SMAD9: variants seen among roughly 807,000 people sequenced by gnomAD.
SMAD9 encodes MAD homolog 9.
Under a neutral mutation model 46.1 loss-of-function variants are expected in SMAD9, and 36 were observed. The ratio of observed to expected loss-of-function variants is 0.78; its 90% CI spans 0.60 to 1.03. The LOEUF (loss-of-function observed/expected upper bound fraction) is 1.03, where lower values mean the gene tolerates loss of function less well. Among genes scored for constraint, SMAD9 ranks in the 50% least tolerant of loss-of-function variants. The pLI, the probability that SMAD9 is intolerant of heterozygous loss-of-function variation, is 0.00. For missense variants in SMAD9, 572 were observed against 599.8 expected (o/e 0.95, Z 0.48); for synonymous variants, 245 against 237.1 (o/e 1.03, Z -0.31).
chr13:36,866,531 T>C (rs924483038), intron 4 of SMAD9, among the ~76,000 whole-genome samples: 7 of 152,218 alleles, frequency 4.6e-5, no homozygotes, highest in African/African-American at 7.2e-5. Flanking sequence ...TCCTTGAACA[T>C]CCTTGTCATT....
chr13:36,872,846 C>T lies in SMAD9; in HGVS notation c.482G>A (p.Arg161His), dbSNP rs200651392. 31 of 1,613,986 alleles carry T rather than the reference C, an allele frequency of 1.9e-5. No individual in the cohort carries two copies. The East Asian group carries it at 3.1e-4, about 16-fold the overall frequency. ...NPQLSLLAKF[R>H]SASLHSEPLM... ...TGGCTCACTGTGCAGGGAGGCGCTG[C>T]GGAACTTGGCCAGGAGGCTGAGCTG... is the stretch of plus-strand genomic sequence containing the variant. Residue 161 changes from arginine to histidine, a missense_variant, in exon 3 of 7, where the codon CGC (arginine) becomes CAC (histidine). Transcript: ENST00000379826.
intron 1 of SMAD9, among the ~76,000 whole-genome samples, chr13:36,909,160 T>C (rs2058641171): frequency 6.6e-6 from 1 of 152,186 alleles, no homozygotes; most frequent in African/African-American, 2.4e-5. Flanking sequence ...CTAGATACAG[T>C]TTTTATTGTT....
chr13:36,863,771 A>C (rs775857652), intron 5 of SMAD9, among the ~76,000 whole-genome samples: 1 of 152,010 alleles, frequency 6.6e-6, no homozygotes, highest in African/African-American at 2.4e-5. Flanking sequence ...TTACACAGTG[A>C]TTTTCAGAAG....
At chr13:36,908,906 T>G (rs1030522005) in intron 1 of SMAD9, among the ~76,000 whole-genome samples, 1 of 152,168 alleles carries the variant, frequency 6.6e-6, no homozygotes, top group Non-Finnish European at 1.5e-5. Flanking sequence ...GTGGCCCAAA[T>G]GAAGACTCTT....
rs118076954 is a variant in SMAD9, at chr13:36,896,578, C to G, written c.-186-16703G>C. Among the ~76,000 whole-genome samples, 241 of 152,182 alleles carry G rather than the reference C, an allele frequency of 1.6e-3. 4 individuals are homozygous for G. The East Asian group carries it at 0.037, about 23-fold the overall frequency. Reference sequence around the variant, plus strand: ...CTACCATTCTCCTGTTAAAAAGCACCAGAATTCCCTGTAGCATGCTTGTAA... The same window carrying G: ...CTACCATTCTCCTGTTAAAAAGCACGAGAATTCCCTGTAGCATGCTTGTAA... On this transcript the variant is annotated intron_variant, in intron 1 of 6. Coordinates refer to ENST00000379826, the MANE Select transcript of SMAD9 (RefSeq NM_001127217.3).
At chr13:36,906,434 G>A (rs1275420068) in intron 1 of SMAD9, among the ~76,000 whole-genome samples, 2 of 152,046 alleles carry the variant, frequency 1.3e-5, no homozygotes, top group East Asian at 3.9e-4. Context: ...CATATTCTAT[G>A]CAAATCATAC....
At chr13:36,905,349 G>C (rs918994561) in intron 1 of SMAD9, among the ~76,000 whole-genome samples, 5 of 152,074 alleles carry the variant, frequency 3.3e-5, no homozygotes, top group African/African-American at 1.2e-4. Flanking sequence ...CTGTTCAAAA[G>C]GTCTTACACT....
chr13:36,918,144 A>G (rs74714310), intron 1 of SMAD9, among the ~76,000 whole-genome samples: 1,947 of 152,348 alleles, frequency 0.013, 29 homozygotes, highest in Middle Eastern at 0.075. Flanking sequence ...CTTACTAACT[A>G]GGAATATATA....
chr13:36,890,723 G>A (rs772740805), intron 1 of SMAD9, among the ~76,000 whole-genome samples: 12 of 152,028 alleles, frequency 7.9e-5, no homozygotes, highest in Non-Finnish European at 1.6e-4. Context: ...TCTGATGCCT[G>A]CTTGGGAACC....
intron 1 of SMAD9, among the ~76,000 whole-genome samples, chr13:36,914,889 T>C (rs1362585969): frequency 6.6e-6 from 1 of 152,220 alleles, no homozygotes; most frequent in Non-Finnish European, 1.5e-5. Context: ...AGCCCACAAG[T>C]ACGTAGGACA....
chr13:36,852,286 T>C, intron 6 of SMAD9: 1 of 984,158 alleles, frequency 1.0e-6, no homozygotes, highest in African/African-American at 1.7e-5. Flanking sequence ...AAAAAATGCC[T>C]GGAACAAGCC....
chr13:36,853,250 A>T (rs1206423147), intron 6 of SMAD9, among the ~76,000 whole-genome samples, 169 bp downstream of exon 6: 1 of 152,164 alleles, frequency 6.6e-6, no homozygotes, highest in Non-Finnish European at 1.5e-5. Context: ...ATGCCACTGC[A>T]CTCCAGCCTG....
intron 1 of SMAD9, among the ~76,000 whole-genome samples, chr13:36,882,305 CTTG>C (rs1170108180): frequency 4.6e-5 from 7 of 150,768 alleles, no homozygotes; most frequent in East Asian, 1.9e-4. Context: ...GGAAAATTTA[CTTG>C]TTAAGTTGGG....
intron 2 of SMAD9, among the ~76,000 whole-genome samples, chr13:36,878,098 C>G (rs1031823180): frequency 1.2e-4 from 19 of 152,092 alleles, no homozygotes; most frequent in Admixed American, 1.0e-3. Context: ...TGTGAAGGAA[C>G]AAAGACAAAC....
At chr13:36,850,536 G>A (rs752814310) in intron 6 of SMAD9, among the ~76,000 whole-genome samples, 2 of 151,994 alleles carry the variant, frequency 1.3e-5, no homozygotes, top group Non-Finnish European at 2.9e-5. Context: ...GCGCCACCAC[G>A]CCTGGCTAAT....
In SMAD9 at chr13:36,911,627, G is replaced by T. The variant is rs1368329728; in HGVS notation, c.-187+8489C>A. Among the ~76,000 whole-genome samples, 8 of 131,736 alleles carry T rather than the reference G, an allele frequency of 6.1e-5. No individual in the cohort carries two copies. The South Asian group carries it at 2.2e-3, about 37-fold the overall frequency. 86.4% of individuals were successfully genotyped at this position (131,736 alleles called of 152,430 possible). ...GCCAAAGGCTGCCTGGGGGGGGGGG[G>T]GGCGGGTGGAGTTCATAAACTGATA... On this transcript the variant is annotated intron_variant, in intron 1 of 6. Coordinates refer to ENST00000379826, the MANE Select transcript of SMAD9 (RefSeq NM_001127217.3).
intron 5 of SMAD9, among the ~76,000 whole-genome samples, chr13:36,862,576 A>G (rs1337175925): frequency 1.3e-5 from 2 of 152,226 alleles, no homozygotes; most frequent in Admixed American, 6.5e-5. Context: ...GAAAAAGGAA[A>G]AAGTCCACCC....
intron 3 of SMAD9, among the ~76,000 whole-genome samples, chr13:36,869,550 G>T (rs1023865726): frequency 1.3e-5 from 2 of 152,020 alleles, no homozygotes; most frequent in Non-Finnish European, 2.9e-5. Flanking sequence ...TGGTTAAAAT[G>T]GGCTGGGTGC....
intron 1 of SMAD9, among the ~76,000 whole-genome samples, chr13:36,914,828 C>T (rs1386056253): frequency 6.6e-6 from 1 of 152,212 alleles, no homozygotes; most frequent in Non-Finnish European, 1.5e-5. Flanking sequence ...ACGCTACCAT[C>T]CATCAAATGC....
Sources: allele counts gnomAD v4.1 joint callset (sites outside exome capture counted in the v4.1 genomes callset), GRCh38; gene constraint gnomAD v4.1.1; transcripts MANE v1.5; gene names NCBI Gene and HGNC (gene_info 2026-07-23, HGNC 2026-07-21).